TRIM71: variants seen among roughly 807,000 people sequenced by gnomAD.
TRIM71 encodes the protein tripartite motif containing 71, also known as E3 ubiquitin-protein ligase TRIM71.
In TRIM71, 9 loss-of-function variants were observed where a neutral mutation model predicts 61.2. That is an observed-to-expected ratio of 0.15 (90% CI 0.09 to 0.26). The LOEUF is 0.26. Among genes scored for constraint, TRIM71 ranks in the 10% least tolerant of loss-of-function variants. The pLI is 1.00. For missense variants in TRIM71, 998 were observed against 1,238.7 expected, an observed-to-expected ratio of 0.81 and a Z score of 2.92; for synonymous variants, 645 against 553.2, an observed-to-expected ratio of 1.17 and a Z score of -2.33.
At chr3:32,857,998 G>A (rs1696624572) in intron 1 of TRIM71, among the ~76,000 whole-genome samples, 1 of 152,132 alleles carries the variant, frequency 6.6e-6, no homozygotes, top group Non-Finnish European at 1.5e-5. Context: ...ACAAAAAGAA[G>A]AAGAAAACGT....
chr3:32,848,236 G>C (rs939485869), intron 1 of TRIM71, among the ~76,000 whole-genome samples: 4 of 152,172 alleles, frequency 2.6e-5, no homozygotes, highest in African/African-American at 4.8e-5. Context: ...TATACTGTGC[G>C]CATGATGAAA....
At chr3:32,822,521 G>C (rs942458415) in intron 1 of TRIM71, among the ~76,000 whole-genome samples, 2 of 152,136 alleles carry the variant, frequency 1.3e-5, no homozygotes, top group Non-Finnish European at 2.9e-5. Context: ...GTTGCTGTGT[G>C]AATTTGTTTT....
intron 2 of TRIM71, among the ~76,000 whole-genome samples, chr3:32,879,063 A>G (rs1297690452): frequency 1.3e-5 from 2 of 152,036 alleles, no homozygotes; most frequent in Admixed American, 6.5e-5. Flanking sequence ...CCTTACACAT[A>G]TATGTTTTGG....
At chr3:32,843,651 G>A (rs1461691604) in intron 1 of TRIM71, among the ~76,000 whole-genome samples, 2 of 152,138 alleles carry the variant, frequency 1.3e-5, no homozygotes, top group Non-Finnish European at 2.9e-5. Flanking sequence ...AATCTTCCCC[G>A]GGAAGCAGGC....
chr3:32,855,095 A>G (rs1696581139), intron 1 of TRIM71, among the ~76,000 whole-genome samples: 1 of 152,222 alleles, frequency 6.6e-6, no homozygotes, highest in Non-Finnish European at 1.5e-5. Context: ...ATTTTATCAT[A>G]AGTATATATG....
chr3:32,829,111 A>G (rs1167333204), intron 1 of TRIM71, among the ~76,000 whole-genome samples: 3 of 151,502 alleles, frequency 2.0e-5, no homozygotes, highest in Non-Finnish European at 4.4e-5. Flanking sequence ...CTTCTGCCTC[A>G]GCCTCCTGAG....
rs202166205 is a variant in TRIM71 at position 32,818,058 on chromosome 3, C to A, written c.-23C>A. 1 of 1,607,972 alleles carries A rather than the reference C, an allele frequency of 6.2e-7. No individual in the cohort carries two copies. The highest frequency in any genetic ancestry group is 8.5e-7 in the Non-Finnish European group (1 of 1,176,128). ...TCCTCCTCTTCCTCTCTGGTCTCCT[C>A]CCTCCTCCGGGCTGGGTTGCAAATG... On this transcript the variant is annotated 5_prime_UTR_variant, in exon 1 of 4. Coordinates refer to ENST00000383763, the MANE Select transcript of TRIM71 (RefSeq NM_001039111.3).
At position 32,861,067 on chromosome 3, in the gene TRIM71, CTG is replaced by C. The variant is rs111432309; in HGVS notation, c.853-12750_853-12749del. ...GCACGTGCCTGTAGTCCCAGCTACT[CTG>C]GAGGCTGAGGCAGGAGAATCGCTTG... On this transcript the variant is annotated intron_variant, in intron 1 of 3. Transcript: ENST00000383763. Among the ~76,000 whole-genome samples the C allele has an allele frequency of 9.9e-3, 1,508 of 151,862 alleles. 30 individuals are homozygous for C. Among genetic ancestry groups the C allele is most frequent in the African/African-American group, 0.034 (1,422 of 41,420 alleles).
chr3:32,886,643 G>A (rs1329612400), intron 3 of TRIM71, among the ~76,000 whole-genome samples: 1 of 152,178 alleles, frequency 6.6e-6, no homozygotes, highest in Non-Finnish European at 1.5e-5. Flanking sequence ...GGAGAGTTAG[G>A]TCTATGAAAG....
At chr3:32,861,483 A>G (rs1026983299) in intron 1 of TRIM71, among the ~76,000 whole-genome samples, 17 of 151,810 alleles carry the variant, frequency 1.1e-4, no homozygotes, top group African/African-American at 3.9e-4. Context: ...CTGTAATCCA[A>G]ACACCTCGGC....
chr3:32,818,953 G>C, intron 1 of TRIM71, 21 bp downstream of exon 1: 1 of 1,607,784 alleles, frequency 6.2e-7, no homozygotes, highest in East Asian at 2.2e-5. Context: ...GGGGGCGTGT[G>C]TTTGTGTCCA....
chr3:32,861,303 A>C (rs1442014455), intron 1 of TRIM71, among the ~76,000 whole-genome samples: 6 of 150,832 alleles, frequency 4.0e-5, no homozygotes, highest in African/African-American at 7.3e-5. Flanking sequence ...CAGCCTCCTG[A>C]GTAGCTGGGA....
rs1559535113 is a variant in TRIM71 at position 32,819,277 on chromosome 3, TGCTC to T, written c.852+346_852+349del. 2.0e-5 allele frequency among the ~76,000 whole-genome samples: 3 copies of T among 151,808 alleles called. No individual in the cohort carries two copies. In the East Asian group the frequency reaches 5.8e-4, roughly 30 times the overall value. ...TGTTTGTGTAGACGTGGCCTGCTCC[TGCTC>T]TTGTGGGCACACCAGAGGCCTCCCA... On this transcript the variant is annotated intron_variant, in intron 1 of 3. Transcript: ENST00000383763.
chr3:32,835,999 A>C (rs1018068435), intron 1 of TRIM71, among the ~76,000 whole-genome samples: 7 of 152,120 alleles, frequency 4.6e-5, no homozygotes, highest in African/African-American at 1.7e-4. Flanking sequence ...TATGGTGTGA[A>C]ATTTATTTTG....
At chr3:32,860,752 TGCCTG>T (rs549346268) in intron 1 of TRIM71, among the ~76,000 whole-genome samples, 1 of 152,192 alleles carries the variant, frequency 6.6e-6, no homozygotes. Context: ...TAAAGCAGGC[TGCCTG>T]GCCTGGCCTG....
At chr3:32,820,547 T>C (rs1275216536) in intron 1 of TRIM71, among the ~76,000 whole-genome samples, 3 of 152,214 alleles carry the variant, frequency 2.0e-5, no homozygotes, top group Admixed American at 2.0e-4. Context: ...ATGGAGCCAA[T>C]TCACTTGCAG....
chr3:32,847,551 G>C (rs1437187671), intron 1 of TRIM71, among the ~76,000 whole-genome samples: 1 of 152,150 alleles, frequency 6.6e-6, no homozygotes, highest in South Asian at 2.1e-4. Flanking sequence ...CTCCATAATG[G>C]CTGTACTAAC....
intron 1 of TRIM71, among the ~76,000 whole-genome samples, chr3:32,863,428 T>C (rs1696696458): frequency 6.6e-6 from 1 of 152,022 alleles, no homozygotes. Flanking sequence ...ATTTTGACTT[T>C]TGATGATTTA....
At chr3:32,851,047 T>C (rs1332737217) in intron 1 of TRIM71, among the ~76,000 whole-genome samples, 5 of 152,226 alleles carry the variant, frequency 3.3e-5, no homozygotes, top group Non-Finnish European at 7.3e-5. Flanking sequence ...TGTTTTCTTA[T>C]GGTTCTGTCA....
Sources: gnomAD v4.1 joint callset for allele counts (sites outside exome capture counted in the v4.1 genomes callset) on GRCh38, gnomAD v4.1.1 for gene constraint, MANE v1.5 for transcripts, NCBI Gene and HGNC (gene_info 2026-07-23, HGNC 2026-07-21) for gene names.